EXOC3L2: variants seen among roughly 807,000 people sequenced by gnomAD.
EXOC3L2 encodes the protein exocyst complex component 3 like 2.
A neutral mutation model predicts 44.4 loss-of-function variants in EXOC3L2; 17 were observed. The observed-to-expected ratio is 0.38, with a 90% CI of 0.26 to 0.57. The LOEUF (loss-of-function observed/expected upper bound fraction) is 0.57, where lower values mean the gene tolerates loss of function less well. EXOC3L2 is among the 20% of genes least tolerant of loss of function. The pLI is 0.65. For missense variants in EXOC3L2, 541 were observed against 588.4 expected (o/e 0.92, Z 0.83); for synonymous variants, 256 against 253.7 (o/e 1.01, Z -0.09).
chr19:45,215,990 C>T (rs1423064327), intron 11 of EXOC3L2, 83 bp downstream of exon 11: 2 of 1,555,718 alleles, frequency 1.3e-6, no homozygotes, highest in East Asian at 2.3e-5. Flanking sequence ...CCTCAGGAGG[C>T]AGGAAGCACA....
chr19:45,219,791 A>C (rs1162651731), intron 8 of EXOC3L2, among the ~76,000 whole-genome samples: 1 of 152,208 alleles, frequency 6.6e-6, no homozygotes, highest in African/African-American at 2.4e-5. Context: ...TGGTAAATGA[A>C]GGAAAGTATT....
At position 45,212,971 on chromosome 19, in the gene EXOC3L2, T is replaced by G; in HGVS notation, c.*98A>C. ...TCTAAGGGTCTTTCTATCCCAGGGGTGTGTGGTCCCAGGCAGGGAGTCAGG... is the reference window on the plus strand; with the variant it reads ...TCTAAGGGTCTTTCTATCCCAGGGGGGTGTGGTCCCAGGCAGGGAGTCAGG... On this transcript the variant is annotated 3_prime_UTR_variant, in exon 12 of 12. Transcript: ENST00000413988. 1 of 1,288,472 alleles carries G rather than the reference T, an allele frequency of 7.8e-7. No homozygotes were observed. The allele number at this position is 1,288,472 out of a possible 1,614,324, so 79.8% of individuals were successfully genotyped here. A position where few individuals can be genotyped will look rare whatever the true frequency, so the allele number is the denominator to read the frequency against.
chr19:45,233,318 C>T (rs1970049596), intron 3 of EXOC3L2, among the ~76,000 whole-genome samples: 1 of 152,190 alleles, frequency 6.6e-6, no homozygotes, highest in African/African-American at 2.4e-5. Flanking sequence ...GTTTAGGATT[C>T]AAAGCTTCAT....
At chr19:45,230,704 A>C (rs1403882765) in intron 4 of EXOC3L2, among the ~76,000 whole-genome samples, 1 of 150,416 alleles carries the variant, frequency 6.6e-6, no homozygotes, top group African/African-American at 2.5e-5. Context: ...AGGTTCTGCC[A>C]AACAGTTAGT....
At chr19:45,245,317 T>A (rs1970161183) in intron 1 of EXOC3L2, 24 bp downstream of exon 1, 1 of 151,736 alleles carries the variant, frequency 6.6e-6, no homozygotes, top group Non-Finnish European at 1.5e-5. Flanking sequence ...GGGGACCCCT[T>A]CCCCCTGTCC....
At position 45,240,925 on chromosome 19, in the gene EXOC3L2, C is replaced by T. The variant is rs114235773; in HGVS notation, c.-16-1864G>A. On this transcript the variant is annotated intron_variant, in intron 1 of 11. Transcript: ENST00000413988. ...TCTCAAAAAATAAAATAAAACAAAA[C>T]AACTTACTAGGTATTAGCCATGGGC... is the stretch of plus-strand genomic sequence containing the variant. Among the ~76,000 whole-genome samples, 1,517 of 152,044 alleles carry T rather than the reference C, an allele frequency of 1.0e-2. 24 individuals are homozygous for T. The highest frequency in any genetic ancestry group is 0.035 in the African/African-American group (1,444 of 41,466).
Position 45,213,106 on chromosome 19 carries a change from C to T in EXOC3L2, c.2372G>A (p.Arg791Gln), listed in dbSNP as rs189063316. 0.016 allele frequency: 24,920 copies of T among 1,536,724 alleles called. 257 individuals are homozygous for T. Among genetic ancestry groups the T allele is most frequent in the South Asian group, 0.026 (2,111 of 80,116 alleles). Residue 791 changes from arginine to glutamine, a missense_variant, in exon 12 of 12, where the codon CGG becomes CAG. Transcript: ENST00000413988. ...CCGAGGTCGCGCTAGAGACGGAGGC[C>T]GGGGCCGAGGCAGACAGGCCAAACT... Reference protein sequence around the residue: ...RPSLACLPRPRPPSLARPRAQ... With the variant: ...RPSLACLPRPQPPSLARPRAQ...
At chr19:45,227,212 G>A (rs61463967) in intron 7 of EXOC3L2, among the ~76,000 whole-genome samples, 12,811 of 150,530 alleles carry the variant, frequency 0.085, 727 homozygotes, top group African/African-American at 0.16. Context: ...CCGCCTCCCG[G>A]GTTCTCACCA....
intron 1 of EXOC3L2, among the ~76,000 whole-genome samples, chr19:45,241,063 C>T (rs1037087276): frequency 2.2e-4 from 34 of 152,098 alleles, no homozygotes; most frequent in African/African-American, 7.2e-4. Context: ...CTTCAGTCTG[C>T]GCTCCCTCCT....
chr19:45,226,759 T>C (rs1485126086), intron 7 of EXOC3L2, among the ~76,000 whole-genome samples: 1 of 136,312 alleles, frequency 7.3e-6, no homozygotes, highest in Non-Finnish European at 1.5e-5. Flanking sequence ...TTTTTTTTTT[T>C]TTTTTTTTTT....
intron 9 of EXOC3L2, 24 bp downstream of exon 9, chr19:45,218,170 ACCT>A: frequency 2.3e-6 from 1 of 438,384 alleles, no homozygotes; most frequent in Non-Finnish European, 3.1e-6. Context: ...CCCCACCCCC[ACCT>A]CCCCTCCCCT....
At chr19:45,243,077 T>C (rs1306248845) in intron 1 of EXOC3L2, among the ~76,000 whole-genome samples, 3 of 152,164 alleles carry the variant, frequency 2.0e-5, no homozygotes, top group Non-Finnish European at 4.4e-5. Context: ...ATAAATGGTA[T>C]CATACTATTT....
In EXOC3L2 at chr19:45,216,201, G is replaced by C. The variant is rs1162482017; in HGVS notation, c.1999-7C>G. On this transcript the variant is annotated splice_region_variant and splice_polypyrimidine_tract_variant and intron_variant, in intron 10 of 11. Transcript: ENST00000413988. ...GCCACGAGGCCTGGGACTCCTGCAG[G>C]GGAGGGAGGGTGCGGGGTCACACCC... The C allele has an allele frequency of 1.2e-6, 2 of 1,613,340 alleles. No homozygotes were observed. The highest frequency in any genetic ancestry group is 1.7e-6 in the Non-Finnish European group (2 of 1,179,864).
intron 1 of EXOC3L2, among the ~76,000 whole-genome samples, 155 bp from the exon 2 acceptor site, chr19:45,239,216 C>CTT (rs34721897): frequency 0.22 from 26,941 of 122,404 alleles, 3,385 homozygotes; most frequent in South Asian, 0.28. Context: ...AAGATGGGGA[C>CTT]TTTTTTTTTT....
At chr19:45,224,171 G>C (rs919389532) in intron 8 of EXOC3L2, among the ~76,000 whole-genome samples, 7 of 151,190 alleles carry the variant, frequency 4.6e-5, no homozygotes, top group Admixed American at 1.3e-4. Flanking sequence ...AGCCAGGAGT[G>C]GGGGGAGGGT....
At chr19:45,227,111 A>C (rs1040307729) in intron 7 of EXOC3L2, among the ~76,000 whole-genome samples, 5 of 148,048 alleles carry the variant, frequency 3.4e-5, no homozygotes, top group Admixed American at 6.7e-5. Context: ...AAGGCAAAAA[A>C]AAAATCTGTC....
chr19:45,216,149 C>T lies in EXOC3L2; in HGVS notation c.2044G>A (p.Glu682Lys). The T allele has an allele frequency of 6.2e-7, 1 of 1,614,004 alleles. No homozygotes were observed. Among genetic ancestry groups the T allele is most frequent in the Non-Finnish European group, 8.5e-7 (1 of 1,179,988 alleles). ...WLDAVVPHLA[E>K]VMQLEDTPSI... ...GGCGTGTCTTCCAGCTGCATGACTT[C>T]AGCCAAATGGGGCACCACGGCATCC... is the stretch of plus-strand genomic sequence containing the variant. The change falls in exon 11 of 12, where the codon GAA (glutamate) becomes AAA (lysine). Residue 682 changes from glutamate to lysine, a missense_variant. Physicochemically the swap from Glu to Lys is moderately conservative, Grantham distance 56 (BLOSUM62 1). Coordinates refer to ENST00000413988, the MANE Select transcript of EXOC3L2 (RefSeq NM_001382422.1).
intron 8 of EXOC3L2, 55 bp downstream of exon 8, chr19:45,224,723 G>C (rs1969936439): frequency 1.3e-6 from 2 of 1,522,754 alleles, no homozygotes; most frequent in Admixed American, 4.2e-5. Context: ...ATGGTGGGGG[G>C]CAGCGCTTCC....
At position 45,227,103 on chromosome 19, in the gene EXOC3L2, G is replaced by A. The variant is rs529722241; in HGVS notation, c.1583+559C>T. 1.7e-3 allele frequency among the ~76,000 whole-genome samples: 253 copies of A among 146,184 alleles called. 1 individual carries two copies. Among genetic ancestry groups the A allele is most frequent in the Non-Finnish European group, 2.9e-3 (191 of 66,838 alleles). On this transcript the variant is annotated intron_variant, in intron 7 of 11. Coordinates refer to ENST00000413988, the MANE Select transcript of EXOC3L2 (RefSeq NM_001382422.1). ...TTAAACTAATCAAAAAGGATAAAAAGGCAAAAAAAAAATCTGTCATTCTTT... is the reference window on the plus strand; with the variant it reads ...TTAAACTAATCAAAAAGGATAAAAAAGCAAAAAAAAAATCTGTCATTCTTT...
Sources: gnomAD v4.1 joint callset for allele counts (sites outside exome capture counted in the v4.1 genomes callset) on GRCh38, gnomAD v4.1.1 for gene constraint, MANE v1.5 for transcripts, NCBI Gene and HGNC (gene_info 2026-07-23, HGNC 2026-07-21) for gene names.